Variants in FCRL6 observed in about 807,000 individuals in gnomAD.
FCRL6 encodes the protein Fc receptor-like protein 6.
In FCRL6, 50 loss-of-function variants were observed where a neutral mutation model predicts 49.1. That is an observed-to-expected ratio of 1.02 (90% CI 0.81 to 1.29). The LOEUF is 1.29. FCRL6 is among the 50% of genes most tolerant of loss of function. The pLI is 0.00. For synonymous variants in FCRL6, 213 were observed against 199.6 expected (o/e 1.07, Z -0.57); for missense variants, 571 against 518.5 (o/e 1.10, Z -0.98).
At position 159,810,235 on chromosome 1, in the gene FCRL6, C is replaced by T; in HGVS notation, c.1009+19C>T. ...AAAGCTGGTCAGTAACTCCTCTTGGCTTTCTTAGCTGCTGAATCCCTGTGC... is the reference window on the plus strand; with the variant it reads ...AAAGCTGGTCAGTAACTCCTCTTGGTTTTCTTAGCTGCTGAATCCCTGTGC... On this transcript the variant is annotated intron_variant, in intron 6 of 9. Transcript: ENST00000368106. 6.2e-7 allele frequency: 1 copy of T among 1,606,040 alleles called. No homozygotes were observed. The highest frequency in any genetic ancestry group is 2.3e-5 in the East Asian group (1 of 44,354).
chr1:159,814,243 T>G lies in FCRL6; in HGVS notation c.1098T>G (p.Asp366Glu), dbSNP rs749980083. The G allele has an allele frequency of 6.2e-7, 1 of 1,614,160 alleles. No individual in the cohort carries two copies. The highest frequency in any genetic ancestry group is 2.2e-5 in the East Asian group (1 of 44,880). The change falls in exon 8 of 10, where the codon GAT becomes GAG. Residue 366 changes from aspartate to glutamate, a missense_variant. By Grantham distance (45) the Asp-to-Glu change is conservative. Coordinates refer to ENST00000368106, the MANE Select transcript of FCRL6 (RefSeq NM_001004310.3). ...CAGTGCATCACCAGAAAGGGAAAGA[T>G]GAAGGTGTTGTCTACTCTGTGGTGC... is the stretch of plus-strand genomic sequence containing the variant. ...YANVHHQKGKDEGVVYSVVHR... is the reference protein window; with the variant it reads ...YANVHHQKGKEEGVVYSVVHR...
At chr1:159,813,868 C>T (rs910066443) in intron 7 of FCRL6, among the ~76,000 whole-genome samples, 1 of 152,252 alleles carries the variant, frequency 6.6e-6, no homozygotes, top group Non-Finnish European at 1.5e-5. Context: ...TACTGTAACA[C>T]ACACATGCTC....
At chr1:159,800,800 G>A (rs1662280956), upstream of FCRL6, among the ~76,000 whole-genome samples, 1 of 152,120 alleles carries the variant, frequency 6.6e-6, no homozygotes, top group Non-Finnish European at 1.5e-5. Flanking sequence ...TCAGCAATAG[G>A]CACATCAAAT....
Position 159,802,459 on chromosome 1 carries a change from A to G in FCRL6, c.31+4A>G, listed in dbSNP as rs1273639441. 6.2e-7 allele frequency: 1 copy of G among 1,612,906 alleles called. No homozygotes were observed. Among genetic ancestry groups the G allele is most frequent in the Non-Finnish European group, 8.5e-7 (1 of 1,179,098 alleles). On this transcript the variant is annotated splice_donor_region_variant and intron_variant, in intron 1 of 9. Coordinates refer to ENST00000368106, the MANE Select transcript of FCRL6 (RefSeq NM_001004310.3). ...TGGACGGCTGTGCTGCTCTTTGGTA[A>G]GTCAACGAGCATGGGCATCCCCTCT...
At position 159,815,743 on chromosome 1, in the gene FCRL6, T is replaced by G. The variant is rs1663370558; in HGVS notation, c.*82T>G. On this transcript the variant is annotated 3_prime_UTR_variant, in exon 10 of 10. Transcript: ENST00000368106. Reference sequence around the variant, plus strand: ...AGACAGTGGGGTCCTCAACTCTTTCTGTGGGTCCTTCAGTTCCCAAGCCCA... The same window carrying G: ...AGACAGTGGGGTCCTCAACTCTTTCGGTGGGTCCTTCAGTTCCCAAGCCCA... 1 of 1,552,340 alleles carries G rather than the reference T, an allele frequency of 6.4e-7. No individual in the cohort carries two copies. The highest frequency in any genetic ancestry group is 1.4e-5 in the African/African-American group (1 of 73,832).
intron 1 of FCRL6, among the ~76,000 whole-genome samples, chr1:159,803,352 A>G (rs1481025174): frequency 6.6e-6 from 1 of 152,230 alleles, no homozygotes; most frequent in Non-Finnish European, 1.5e-5. Flanking sequence ...CTTGGTCCCA[A>G]TAGCTTGCTT....
intron 3 of FCRL6, 124 bp downstream of exon 3, chr1:159,808,568 TG>T: frequency 8.1e-7 from 1 of 1,229,406 alleles, no homozygotes; most frequent in African/African-American, 1.5e-5. Context: ...GGCCAATGTG[TG>T]GGGCCCCGAG....
At chr1:159,808,682 G>A (rs1002290905) in intron 3 of FCRL6, 36 of 616,004 alleles carry the variant, frequency 5.8e-5, no homozygotes, top group East Asian at 2.2e-4. Flanking sequence ...GCACTGGGAA[G>A]ACCCTGGACC....
intron 6 of FCRL6, among the ~76,000 whole-genome samples, chr1:159,811,191 T>A (rs1663067222): frequency 6.6e-6 from 1 of 152,248 alleles, no homozygotes; most frequent in Non-Finnish European, 1.5e-5. Context: ...AGCAATTAGT[T>A]TGGGGGGCCA....
chr1:159,815,816 C>T lies in FCRL6; in HGVS notation c.*155C>T, dbSNP rs531383440. Reference sequence around the variant, plus strand: ...CTTGTCCTGGTCAGGAGCACCTGAACCCTGGGTTCTTTTCTTAGCAGAAGA... The same window carrying T: ...CTTGTCCTGGTCAGGAGCACCTGAATCCTGGGTTCTTTTCTTAGCAGAAGA... On this transcript the variant is annotated 3_prime_UTR_variant, in exon 10 of 10. Coordinates refer to ENST00000368106, the MANE Select transcript of FCRL6 (RefSeq NM_001004310.3). 60 of 863,222 alleles carry T rather than the reference C, an allele frequency of 7.0e-5. No homozygotes were observed. The highest frequency in any genetic ancestry group is 1.1e-4 in the Admixed American group (4 of 35,864). 53.5% of individuals were successfully genotyped at this position (863,222 alleles called of 1,614,324 possible).
In FCRL6 at chr1:159,808,555, C is replaced by A. The variant is rs1291828342; in HGVS notation, c.319+111C>A. 2.2e-6 allele frequency: 3 copies of A among 1,367,532 alleles called. No individual in the cohort carries two copies. In the South Asian group the frequency reaches 3.8e-5, roughly 17 times the overall value. 84.7% of individuals were successfully genotyped at this position (1,367,532 alleles called of 1,614,324 possible). On this transcript the variant is annotated intron_variant, in intron 3 of 9. Transcript: ENST00000368106. ...CCCCTGTCTCTGGCTGCCCCTCATGCTGGGCCAATGTGTGGGGCCCCGAGG... is the reference window on the plus strand; with the variant it reads ...CCCCTGTCTCTGGCTGCCCCTCATGATGGGCCAATGTGTGGGGCCCCGAGG...
At chr1:159,814,365 C>A in intron 8 of FCRL6, 73 bp downstream of exon 8, 1 of 1,059,424 alleles carries the variant, frequency 9.4e-7, no homozygotes, top group Non-Finnish European at 1.5e-6. Flanking sequence ...GTATCACTAC[C>A]ACTGTCATTA....
rs1473577167 is a variant in FCRL6, at chr1:159,813,629, C to A, written c.1075+75C>A. ...CTTCTTAAGGGAAGTAAGAAGGGAG[C>A]TCTCCAGAGCCCTGTATCTCAGGAA... On this transcript the variant is annotated intron_variant, in intron 7 of 9. Transcript: ENST00000368106. 5 of 1,256,498 alleles carry A rather than the reference C, an allele frequency of 4.0e-6. No individual in the cohort carries two copies. In the East Asian group the frequency reaches 7.0e-5, roughly 18 times the overall value. 77.8% of individuals were successfully genotyped at this position (1,256,498 alleles called of 1,614,324 possible). A position where few individuals can be genotyped will look rare whatever the true frequency, so the allele number is the denominator to read the frequency against.
At chr1:159,806,955 T>G (rs1213421047) in intron 2 of FCRL6, among the ~76,000 whole-genome samples, 3 of 152,228 alleles carry the variant, frequency 2.0e-5, no homozygotes, top group Non-Finnish European at 4.4e-5. Flanking sequence ...ACTCCCTTCC[T>G]TCCTTTTATG....
chr1:159,814,947 G>A (rs1242171339), intron 8 of FCRL6, among the ~76,000 whole-genome samples: 1 of 152,174 alleles, frequency 6.6e-6, no homozygotes, highest in East Asian at 1.9e-4. Context: ...ATCTGCAAAG[G>A]GGAGACAATG....
At chr1:159,806,702 C>T in intron 2 of FCRL6, 86 bp downstream of exon 2, 1 of 1,336,636 alleles carries the variant, frequency 7.5e-7, no homozygotes, top group South Asian at 1.2e-5. Flanking sequence ...GCCATGGGGT[C>T]CCCCAGAAAC....
In FCRL6 at chr1:159,803,238, C is replaced by G. The variant is rs1662459619; in HGVS notation, c.31+783C>G. Among the ~76,000 whole-genome samples the G allele has an allele frequency of 2.0e-5, 3 of 152,184 alleles. No individual in the cohort carries two copies. The South Asian group carries it at 6.2e-4, about 32-fold the overall frequency. ...GGTCACTGGGCTCCCCCAGACCCAG[C>G]TCAGTCTCAGCCAGTGTCACCCCCC... On this transcript the variant is annotated intron_variant, in intron 1 of 9. Transcript: ENST00000368106.
In FCRL6 at chr1:159,815,701, T is replaced by A; in HGVS notation, c.*40T>A. 6.2e-7 allele frequency: 1 copy of A among 1,611,170 alleles called. No individual in the cohort carries two copies. The highest frequency in any genetic ancestry group is 8.5e-7 in the Non-Finnish European group (1 of 1,179,262). ...TATCAACACACGCCCACCCCCAGTC[T>A]CCAGTGCTCCTCAGGAAGACAGTGG... On this transcript the variant is annotated 3_prime_UTR_variant, in exon 10 of 10. Transcript: ENST00000368106.
intron 2 of FCRL6, among the ~76,000 whole-genome samples, chr1:159,807,739 T>A (rs979062655): frequency 2.2e-4 from 33 of 152,144 alleles, no homozygotes; most frequent in African/African-American, 8.0e-4. Context: ...TCACATTAGG[T>A]AGCCACAGGA....
Sources: gnomAD v4.1 joint callset for allele counts (sites outside exome capture counted in the v4.1 genomes callset) on GRCh38, gnomAD v4.1.1 for gene constraint, MANE v1.5 for transcripts, NCBI Gene and HGNC (gene_info 2026-07-23, HGNC 2026-07-21) for gene names.